ARID2: variants seen among roughly 807,000 people sequenced by gnomAD.
The protein encoded by ARID2 is AT-rich interaction domain 2.
In ARID2, 32 loss-of-function variants were observed where a neutral mutation model predicts 184.6. The observed-to-expected ratio is 0.17, with a 90% CI of 0.13 to 0.23. ARID2 has a LOEUF of 0.23. ARID2 is among the 10% of genes least tolerant of loss of function. The pLI, the probability that ARID2 is intolerant of heterozygous loss-of-function variation, is 1.00. For synonymous variants in ARID2, 836 were observed against 772.6 expected, an observed-to-expected ratio of 1.08 and a Z score of -1.36; for missense variants, 1,696 against 2,197.6, an observed-to-expected ratio of 0.77 and a Z score of 4.56.
chr12:45,777,403 T>A (rs985865549), intron 3 of ARID2, among the ~76,000 whole-genome samples: 1 of 152,180 alleles, frequency 6.6e-6, no homozygotes, highest in African/African-American at 2.4e-5. Flanking sequence ...TGAATTGCCA[T>A]TGAGATGATA....
chr12:45,851,098 C>T lies in ARID2; in HGVS notation c.2975C>T (p.Ser992Phe), dbSNP rs751508960. Reference protein sequence around the residue: ...NQVPTAMSSSSTPQSQGPPPT... With the variant: ...NQVPTAMSSSFTPQSQGPPPT... ...GTCCCTACTGCCATGTCGTCGTCCT[C>T]TACCCCTCAATCACAGGGACCACCT... Residue 992 changes from serine to phenylalanine, a missense_variant, in exon 15 of 21, where the codon TCT becomes TTT. Coordinates refer to ENST00000334344, the MANE Select transcript of ARID2 (RefSeq NM_152641.4). 3.1e-6 allele frequency: 5 copies of T among 1,614,150 alleles called. 1 individual carries two copies. The South Asian group carries it at 5.5e-5, about 18-fold the overall frequency.
At chr12:45,805,143 T>A (rs879816964) in intron 3 of ARID2, among the ~76,000 whole-genome samples, 7 of 152,070 alleles carry the variant, frequency 4.6e-5, no homozygotes, top group African/African-American at 1.7e-4. Flanking sequence ...CAGAGTGGAT[T>A]TGCTGCATGA....
chr12:45,801,514 A>G (rs1419481566), intron 3 of ARID2, among the ~76,000 whole-genome samples: 1 of 152,184 alleles, frequency 6.6e-6, no homozygotes, highest in South Asian at 2.1e-4. Context: ...CCCAACCTTA[A>G]CAACAAAGTA....
At chr12:45,824,919 G>A (rs1467949900) in intron 6 of ARID2, among the ~76,000 whole-genome samples, 1 of 150,592 alleles carries the variant, frequency 6.6e-6, no homozygotes, top group Non-Finnish European at 1.5e-5. Context: ...GCCCTAAAAG[G>A]AATGAAAATG....
intron 3 of ARID2, among the ~76,000 whole-genome samples, chr12:45,777,350 G>T (rs1029894770): frequency 2.9e-4 from 44 of 152,224 alleles, no homozygotes; most frequent in Non-Finnish European, 2.6e-4. Context: ...TTTAATTGTA[G>T]TGTAATAAGT....
chr12:45,850,799 G>A lies in ARID2; in HGVS notation c.2676G>A (p.Gly892=), dbSNP rs764331043. The A allele has an allele frequency of 1.5e-5, 25 of 1,613,948 alleles. No individual in the cohort carries two copies. Among genetic ancestry groups the A allele is most frequent in the Middle Eastern group, 1.6e-4 (1 of 6,084 alleles). The change falls in exon 15 of 21, where the codon GGG becomes GGA. Residue 892 remains glycine, a synonymous_variant. Transcript: ENST00000334344. ...GVPSPQASRV[G]FQNIAPKPLP... Reference sequence around the variant, plus strand: ...CAAGTCCACAAGCCTCAAGGGTAGGGTTTCAGAACATTGCACCAAAACCTC... The same window carrying A: ...CAAGTCCACAAGCCTCAAGGGTAGGATTTCAGAACATTGCACCAAAACCTC...
intron 3 of ARID2, among the ~76,000 whole-genome samples, 189 bp downstream of exon 3, chr12:45,731,503 A>G (rs1023385516): frequency 3.3e-5 from 5 of 152,212 alleles, no homozygotes; most frequent in Non-Finnish European, 7.3e-5. Context: ...CACCAATTTC[A>G]GGATCGTTTA....
chr12:45,839,245 T>C, intron 10 of ARID2, 84 bp from the exon 11 acceptor site: 1 of 1,208,096 alleles, frequency 8.3e-7, no homozygotes, highest in Non-Finnish European at 1.1e-6. Flanking sequence ...CATTGATAAG[T>C]ATTCTGTACA....
intron 4 of ARID2, among the ~76,000 whole-genome samples, chr12:45,815,322 GTTAC>G (rs1439334798): frequency 5.9e-5 from 9 of 151,968 alleles, no homozygotes. Flanking sequence ...TTTATTTTAT[GTTAC>G]TTATGAGAAA....
intron 3 of ARID2, among the ~76,000 whole-genome samples, chr12:45,736,963 CT>C (rs1941139100): frequency 6.6e-6 from 1 of 152,196 alleles, no homozygotes; most frequent in African/African-American, 2.4e-5. Flanking sequence ...ACTGCAATTA[CT>C]TGTGCACCAA....
At chr12:45,862,367 CT>C (rs1220633778) in intron 16 of ARID2, among the ~76,000 whole-genome samples, 1 of 151,810 alleles carries the variant, frequency 6.6e-6, no homozygotes, top group African/African-American at 2.4e-5. Context: ...GGATTATTTC[CT>C]TCATTCATTT....
At chr12:45,733,848 T>G (rs1304924439) in intron 3 of ARID2, among the ~76,000 whole-genome samples, 1 of 152,242 alleles carries the variant, frequency 6.6e-6, no homozygotes, top group Non-Finnish European at 1.5e-5. Context: ...TTTTCTCAAA[T>G]ATACATTTAT....
At chr12:45,899,522 C>CAT (rs1944419248) in intron 20 of ARID2, among the ~76,000 whole-genome samples, 1 of 149,816 alleles carries the variant, frequency 6.7e-6, no homozygotes, top group Non-Finnish European at 1.5e-5. Flanking sequence ...AGGAGAATGG[C>CAT]GTGAACACAG....
intron 3 of ARID2, among the ~76,000 whole-genome samples, chr12:45,732,618 C>T (rs1941024827): frequency 6.6e-6 from 1 of 152,072 alleles, no homozygotes; most frequent in Admixed American, 6.6e-5. Flanking sequence ...TTATATTCAT[C>T]GTGACATTCA....
intron 11 of ARID2, among the ~76,000 whole-genome samples, chr12:45,846,253 C>T (rs1943437684): frequency 6.6e-6 from 1 of 151,882 alleles, no homozygotes; most frequent in Non-Finnish European, 1.5e-5. Flanking sequence ...TTTTTCTTCC[C>T]CAGAAAAATT....
At position 45,905,391 on chromosome 12, in the gene ARID2, C is replaced by T; in HGVS notation, c.*313C>T. 1 of 258,792 alleles carries T rather than the reference C, an allele frequency of 3.9e-6. No individual in the cohort carries two copies. The highest frequency in any genetic ancestry group is 5.6e-5 in the East Asian group (1 of 17,806). 16.0% of individuals were successfully genotyped at this position (258,792 alleles called of 1,614,324 possible). On this transcript the variant is annotated 3_prime_UTR_variant, in exon 21 of 21. Transcript: ENST00000334344. ...GGTATGATCAGAATTCAGTACCATC[C>T]ACATTGGAATATACATGGAATATTG...
chr12:45,731,622 T>C (rs1941002321), intron 3 of ARID2, among the ~76,000 whole-genome samples: 1 of 152,164 alleles, frequency 6.6e-6, no homozygotes, highest in Non-Finnish European at 1.5e-5. Context: ...GGCAGAAAGG[T>C]GATGCTTAGT....
chr12:45,903,357 A>G (rs1241891815), intron 20 of ARID2, among the ~76,000 whole-genome samples: 1 of 152,182 alleles, frequency 6.6e-6, no homozygotes, highest in Non-Finnish European at 1.5e-5. Flanking sequence ...GAGTGTTTTC[A>G]AAGGATTGGT....
chr12:45,818,039 G>A, intron 5 of ARID2, 151 bp downstream of exon 5: 1 of 582,146 alleles, frequency 1.7e-6, no homozygotes, highest in East Asian at 3.2e-5. Context: ...ATGAATGTTT[G>A]GGGGGTTTTA....
Sources: allele counts gnomAD v4.1 joint callset (sites outside exome capture counted in the v4.1 genomes callset), GRCh38; gene constraint gnomAD v4.1.1; transcripts MANE v1.5; gene names NCBI Gene and HGNC (gene_info 2026-07-23, HGNC 2026-07-21).